Variants in XKR4 observed in about 807,000 individuals in gnomAD.
XKR4 encodes XK-related protein 4.
A neutral mutation model predicts 53.9 loss-of-function variants in XKR4; 12 were observed. The ratio of observed to expected loss-of-function variants is 0.22; its 90% confidence interval spans 0.14 to 0.36. The LOEUF (loss-of-function observed/expected upper bound fraction) is 0.36, where lower values mean the gene tolerates loss of function less well. XKR4 is among the 10% of genes least tolerant of loss of function. The pLI, the probability that XKR4 is intolerant of heterozygous loss-of-function variation, is 1.00. For synonymous variants in XKR4, 354 were observed against 362.4 expected (o/e 0.98, Z 0.26); for missense variants, 799 against 859.5 (o/e 0.93, Z 0.88).
chr8:55,273,232 C>T (rs939874459), intron 1 of XKR4, among the ~76,000 whole-genome samples: 1 of 151,604 alleles, frequency 6.6e-6, no homozygotes. Context: ...AGATTTGTCA[C>T]GAGTCACTAC....
intron 1 of XKR4, among the ~76,000 whole-genome samples, chr8:55,283,278 A>C (rs1818864509): frequency 1.3e-5 from 2 of 152,164 alleles, no homozygotes; most frequent in Admixed American, 6.5e-5. Flanking sequence ...TTATTTTTTC[A>C]TGACAGCTGG....
At chr8:55,444,593 C>A (rs1340769054) in intron 2 of XKR4, among the ~76,000 whole-genome samples, 3 of 152,188 alleles carry the variant, frequency 2.0e-5, no homozygotes, top group Admixed American at 2.0e-4. Flanking sequence ...CAAAAATGTG[C>A]TCCAGCATTT....
chr8:55,248,797 C>T lies in XKR4; in HGVS notation c.807-108881C>T, dbSNP rs1188946952. On this transcript the variant is annotated intron_variant, in intron 1 of 2. Transcript: ENST00000327381. ...TCGGCTTTTCCCTGTCTGGGGTCTC[C>T]TGCCTGCAGGCTGGAGTCTCAGAGT... 2.0e-5 allele frequency among the ~76,000 whole-genome samples: 3 copies of T among 152,006 alleles called. No homozygotes were observed. In the East Asian group the frequency reaches 5.8e-4, roughly 29 times the overall value.
chr8:55,227,290 G>C (rs1817965985), intron 1 of XKR4, among the ~76,000 whole-genome samples: 1 of 152,194 alleles, frequency 6.6e-6, no homozygotes, highest in African/African-American at 2.4e-5. Flanking sequence ...GACTCAAAAA[G>C]ACTTGAAAAT....
chr8:55,296,250 G>T (rs1004845102), intron 1 of XKR4, among the ~76,000 whole-genome samples: 7 of 152,176 alleles, frequency 4.6e-5, no homozygotes, highest in Non-Finnish European at 8.8e-5. Flanking sequence ...AAATGCTGTT[G>T]CACGTATCAC....
rs147295505 is a variant in XKR4, at chr8:55,234,323, A to C, written c.807-123355A>C. ...TTTTTGCAAAAATACATTGTTTTCC[A>C]TCCTTGTTCATTTATGGCTACCTCG... is the stretch of plus-strand genomic sequence containing the variant. On this transcript the variant is annotated intron_variant, in intron 1 of 2. Coordinates refer to ENST00000327381, the MANE Select transcript of XKR4 (RefSeq NM_052898.2). 2.1e-3 allele frequency among the ~76,000 whole-genome samples: 324 copies of C among 152,286 alleles called. 2 individuals carry two copies. The highest frequency in any genetic ancestry group is 5.4e-3 in the Admixed American group (82 of 15,302).
intron 2 of XKR4, chr8:55,453,377 G>A (rs988808499): frequency 3.1e-5 from 14 of 447,108 alleles, no homozygotes; most frequent in East Asian, 6.8e-5. Flanking sequence ...CAGTTCCCGG[G>A]TGAGGCAGTG....
intron 2 of XKR4, among the ~76,000 whole-genome samples, chr8:55,440,149 G>A (rs1805243548): frequency 6.6e-6 from 1 of 152,098 alleles, no homozygotes; most frequent in African/African-American, 2.4e-5. Context: ...AATATAGTAT[G>A]TTTTAGTTAC....
At chr8:55,447,919 C>G (rs2129395768) in intron 2 of XKR4, among the ~76,000 whole-genome samples, 1 of 152,230 alleles carries the variant, frequency 6.6e-6, no homozygotes, top group East Asian at 1.9e-4. Context: ...TAACATTAAC[C>G]TCTCACAGTA....
intron 1 of XKR4, among the ~76,000 whole-genome samples, chr8:55,227,002 C>T (rs1458156221): frequency 6.6e-6 from 1 of 152,196 alleles, no homozygotes; most frequent in Non-Finnish European, 1.5e-5. Context: ...TCTTACTTAC[C>T]TGTGTACTCC....
intron 2 of XKR4, among the ~76,000 whole-genome samples, chr8:55,374,382 C>T (rs1325559029): frequency 6.6e-6 from 1 of 152,074 alleles, no homozygotes; most frequent in Non-Finnish European, 1.5e-5. Context: ...TCAGTGGACA[C>T]CCAAAGAGAG....
intron 1 of XKR4, among the ~76,000 whole-genome samples, chr8:55,201,924 C>G (rs1817580771): frequency 6.6e-6 from 1 of 152,192 alleles, no homozygotes; most frequent in South Asian, 2.1e-4. Context: ...GTTATTAAAT[C>G]AGGTGTCCTC....
chr8:55,194,596 G>A lies in XKR4; in HGVS notation c.806+91302G>A, dbSNP rs115432341. Among the ~76,000 whole-genome samples, 1,034 of 152,256 alleles carry A rather than the reference G, an allele frequency of 6.8e-3. 8 individuals are homozygous for A. The highest frequency in any genetic ancestry group is 0.023 in the African/African-American group (949 of 41,538). On this transcript the variant is annotated intron_variant, in intron 1 of 2. Coordinates refer to ENST00000327381, the MANE Select transcript of XKR4 (RefSeq NM_052898.2). Reference sequence around the variant, plus strand: ...AATGATGGCTCTCAACAGGATATGTGGGCTCAGACTTTTCAGATCATTTGC... The same window carrying A: ...AATGATGGCTCTCAACAGGATATGTAGGCTCAGACTTTTCAGATCATTTGC...
chr8:55,270,577 AG>A (rs1818675372), intron 1 of XKR4, among the ~76,000 whole-genome samples: 1 of 152,232 alleles, frequency 6.6e-6, no homozygotes, highest in Non-Finnish European at 1.5e-5. Flanking sequence ...GGTGTAACAT[AG>A]TGTTTAGAAC....
chr8:55,313,608 C>T (rs1819417408), intron 1 of XKR4, among the ~76,000 whole-genome samples: 1 of 152,124 alleles, frequency 6.6e-6, no homozygotes, highest in African/African-American at 2.4e-5. Flanking sequence ...GGCAAATACC[C>T]CATCAACCAG....
chr8:55,379,555 C>T (rs1446791399), intron 2 of XKR4, among the ~76,000 whole-genome samples: 1 of 152,248 alleles, frequency 6.6e-6, no homozygotes, highest in African/African-American at 2.4e-5. Context: ...AGAGCACAGA[C>T]ATGAGATGTG....
rs1427955917 is a variant in XKR4, at chr8:55,488,408, T to G, written c.1007-34873T>G. Among the ~76,000 whole-genome samples, 7 of 152,200 alleles carry G rather than the reference T, an allele frequency of 4.6e-5. No homozygotes were observed. In the East Asian group the frequency reaches 1.3e-3, roughly 29 times the overall value. Reference sequence around the variant, plus strand: ...ACACAAATGTTTACAACAACTTTATTCATAATTGCCAAACCTGGAAGCAAC... The same window carrying G: ...ACACAAATGTTTACAACAACTTTATGCATAATTGCCAAACCTGGAAGCAAC... On this transcript the variant is annotated intron_variant, in intron 2 of 2. Transcript: ENST00000327381.
chr8:55,209,630 A>T lies in XKR4; in HGVS notation c.806+106336A>T, dbSNP rs115379651. 4.6e-3 allele frequency among the ~76,000 whole-genome samples: 697 copies of T among 152,244 alleles called. 6 individuals are homozygous for T. The highest frequency in any genetic ancestry group is 0.016 in the African/African-American group (649 of 41,542). ...CCGTGGGGAAGCCAACTTTCTCAGG[A>T]GGTCCCATTGTGGTCCATGTCCCAC... is the stretch of plus-strand genomic sequence containing the variant. On this transcript the variant is annotated intron_variant, in intron 1 of 2. Coordinates refer to ENST00000327381, the MANE Select transcript of XKR4 (RefSeq NM_052898.2).
rs1232133943 is a variant in XKR4, at chr8:55,528,420, C to A, written c.*4193C>A. On this transcript the variant is annotated 3_prime_UTR_variant, in exon 3 of 3. Coordinates refer to ENST00000327381, the MANE Select transcript of XKR4 (RefSeq NM_052898.2). ...ATTTGCTTTTAAATATACCAAATGC[C>A]GTTGATTGGAAACAAGTTCTGACAC... 6.6e-6 allele frequency: 1 copy of A among 152,180 alleles called. No homozygotes were observed. The highest frequency in any genetic ancestry group is 1.5e-5 in the Non-Finnish European group (1 of 68,030). 9.4% of individuals were successfully genotyped at this position (152,180 alleles called of 1,614,324 possible).
Sources: allele counts gnomAD v4.1 joint callset (sites outside exome capture counted in the v4.1 genomes callset), GRCh38; gene constraint gnomAD v4.1.1; transcripts MANE v1.5; gene names NCBI Gene and HGNC (gene_info 2026-07-23, HGNC 2026-07-21).